ENOSF1: variants seen among roughly 807,000 people sequenced by gnomAD.
The protein encoded by ENOSF1 is mitochondrial enolase superfamily member 1.
In ENOSF1, 73 loss-of-function variants were observed where a neutral mutation model predicts 68.2. The ratio of observed to expected loss-of-function variants is 1.07; its 90% confidence interval spans 0.89 to 1.30. ENOSF1 has a LOEUF of 1.30. ENOSF1 is among the 50% of genes most tolerant of loss of function. The probability of loss-of-function intolerance (pLI) is 0.00; values close to 1 mark genes in which losing one functional copy is unlikely to be tolerated. For missense variants in ENOSF1, 589 were observed against 554.5 expected (o/e 1.06, Z -0.62); for synonymous variants, 223 against 210.4 (o/e 1.06, Z -0.52).
chr18:665,128 G>A, the ENOSF1 span, among the ~76,000 whole-genome samples: 17 of 149,678 alleles, frequency 1.1e-4, no homozygotes, highest in Admixed American at 1.1e-3. Flanking sequence ...GTAGAATTCG[G>A]CTGTGAATCC....
In ENOSF1 at chr18:672,969, C is replaced by G. The variant is rs752774827; in HGVS notation, c.*1336G>C. The stretch of plus-strand genomic sequence containing the variant: ...CAGATTGAAGGGTACAATCCGCATC[C>G]AACTATTAAAATGGAAATGGCTGTT... On this transcript the variant is annotated 3_prime_UTR_variant, in exon 16 of 16. Transcript: ENST00000647584. The G allele has an allele frequency of 2.5e-6, 4 of 1,575,230 alleles. No individual in the cohort carries two copies. The highest frequency in any genetic ancestry group is 2.3e-5 in the South Asian group (2 of 87,106).
chr18:670,601 T>A lies in ENOSF1; in HGVS notation c.*3704A>T. ...TCTCTCCTGGTCTCCACCATATGAG[T>A]TGGCTTCTGTTTCTCTCCTGTTTTA... On this transcript the variant is annotated 3_prime_UTR_variant, in exon 16 of 16. Transcript: ENST00000647584. 7.1e-7 allele frequency: 1 copy of A among 1,402,802 alleles called. No homozygotes were observed. The highest frequency in any genetic ancestry group is 1.4e-5 in the African/African-American group (1 of 70,366). 86.9% of individuals were successfully genotyped at this position (1,402,802 alleles called of 1,614,324 possible).
At position 696,196 on chromosome 18, in the gene ENOSF1, ATC is replaced by A. The variant is rs1225781340; in HGVS notation, c.309+1042_309+1043del. 3.6e-4 allele frequency among the ~76,000 whole-genome samples: 47 copies of A among 130,506 alleles called. No homozygotes were observed. In the Middle Eastern group the frequency reaches 0.019, roughly 52 times the overall value. 85.6% of individuals were successfully genotyped at this position (130,506 alleles called of 152,430 possible). A position where few individuals can be genotyped will look rare whatever the true frequency, so the allele number is the denominator to read the frequency against. ...TTTCTCTTTAATGACCTTCTTTTAC[ATC>A]TCTCTCTTTTTTTTTTTTTTTTTTT... On this transcript the variant is annotated intron_variant, in intron 3 of 15. Coordinates refer to ENST00000647584, the MANE Select transcript of ENOSF1 (RefSeq NM_017512.7).
chr18:682,573 C>G (rs2076177481), intron 11 of ENOSF1, among the ~76,000 whole-genome samples: 1 of 151,980 alleles, frequency 6.6e-6, no homozygotes. Flanking sequence ...AAAAAATTAT[C>G]AGATGAAAAC....
rs1443790890 is a variant in ENOSF1 at position 674,119 on chromosome 18, A to G, written c.*186T>C. The G allele has an allele frequency of 3.7e-6, 2 of 539,470 alleles. No individual in the cohort carries two copies. The highest frequency in any genetic ancestry group is 6.5e-6 in the Non-Finnish European group (2 of 305,890). The allele number at this position is 539,470 out of a possible 1,614,324, so 33.4% of individuals were successfully genotyped here. A position where few individuals can be genotyped will look rare whatever the true frequency, so the allele number is the denominator to read the frequency against. ...TAAACTTATTTAAGGATTAAGTAGG[A>G]TAACGTGCATTGATTTGCTAAAAGA... is the stretch of plus-strand genomic sequence containing the variant. On this transcript the variant is annotated 3_prime_UTR_variant, in exon 16 of 16. Transcript: ENST00000647584.
At chr18:696,204 C>CTTTTTTTTTTTTTTTTTTTT (rs368856668) in intron 3 of ENOSF1, among the ~76,000 whole-genome samples, 7 of 118,692 alleles carry the variant, frequency 5.9e-5, no homozygotes, top group Non-Finnish European at 9.8e-5. Flanking sequence ...ACATCTCTCT[C>CTTTTTTTTTTTTTTTTTTTT]TTTTTTTTTT....
At position 678,732 on chromosome 18, in the gene ENOSF1, C is replaced by T. The variant is rs1568021664; in HGVS notation, c.882G>A (p.Leu294=). 6.2e-7 allele frequency: 1 copy of T among 1,614,194 alleles called. No homozygotes were observed. Among genetic ancestry groups the T allele is most frequent in the Admixed American group, 1.7e-5 (1 of 60,022 alleles). The change falls in exon 12 of 16, where the codon CTG becomes CTA. Residue 294 remains leucine (L), a synonymous_variant. Coordinates refer to ENST00000647584, the MANE Select transcript of ENOSF1 (RefSeq NM_017512.7). Reference sequence around the variant, plus strand: ...TGGCAATGCCAATTCCTAATGGGACCAGTGCCTATAAAATAGAAGGCAGCC... The same window carrying T: ...TGGCAATGCCAATTCCTAATGGGACTAGTGCCTATAAAATAGAAGGCAGCC... The part of the protein sequence containing the change: ...ILGHATISKA[L]VPLGIGIATG...
chr18:675,641 G>C, intron 14 of ENOSF1: 1 of 503,526 alleles, frequency 2.0e-6, no homozygotes, highest in East Asian at 3.2e-5. Flanking sequence ...TCCCTCTAGA[G>C]GTTTTGTGGT....
At chr18:709,950 C>T (rs116521936) in intron 1 of ENOSF1, among the ~76,000 whole-genome samples, 2,730 of 152,234 alleles carry the variant, frequency 0.018, 82 homozygotes, top group African/African-American at 0.062. Flanking sequence ...AATAAGAAGG[C>T]ACTTGAGAGC....
chr18:689,408 G>C lies in ENOSF1; in HGVS notation c.619-800C>G, dbSNP rs1017880945. ...TGATTCTCCTGCCTCAGCCTCCTGA[G>C]TGGCTGGGACTACAGATACGCATTA... On this transcript the variant is annotated intron_variant, in intron 8 of 15. Coordinates refer to ENST00000647584, the MANE Select transcript of ENOSF1 (RefSeq NM_017512.7). 7.9e-5 allele frequency among the ~76,000 whole-genome samples: 12 copies of C among 152,276 alleles called. 1 individual carries two copies. Among genetic ancestry groups the C allele is most frequent in the Admixed American group, 2.0e-4 (3 of 15,298 alleles).
chr18:707,887 T>C (rs1280410526), intron 1 of ENOSF1, among the ~76,000 whole-genome samples: 1 of 152,074 alleles, frequency 6.6e-6, no homozygotes, highest in Non-Finnish European at 1.5e-5. Context: ...TGAGACTGAC[T>C]CTCACTCTGT....
At chr18:690,992 T>TA in intron 7 of ENOSF1, 76 bp downstream of exon 7, 1 of 1,506,712 alleles carries the variant, frequency 6.6e-7, no homozygotes, top group Non-Finnish European at 9.2e-7. Context: ...AGACAATGTG[T>TA]ACCCCAAAAG....
In ENOSF1 at chr18:695,731, T is replaced by C. The variant is rs184597612; in HGVS notation, c.310-1397A>G. The stretch of plus-strand genomic sequence containing the variant: ...AGGTGCTGGGATTATAGGCGTGAGC[T>C]ACTGTGCCCAGCTGATTGTTCATTA... On this transcript the variant is annotated intron_variant, in intron 3 of 15. Coordinates refer to ENST00000647584, the MANE Select transcript of ENOSF1 (RefSeq NM_017512.7). Among the ~76,000 whole-genome samples the C allele has an allele frequency of 2.0e-3, 312 of 152,298 alleles. 1 individual carries two copies. Among genetic ancestry groups the C allele is most frequent in the Non-Finnish European group, 3.6e-3 (246 of 68,034 alleles).
At chr18:700,500 A>T (rs1380088922) in intron 2 of ENOSF1, among the ~76,000 whole-genome samples, 1 of 152,208 alleles carries the variant, frequency 6.6e-6, no homozygotes, top group Non-Finnish European at 1.5e-5. Flanking sequence ...TATGACTCTC[A>T]GAGTGCACAA....
At chr18:669,349 G>A (rs2074934359), downstream of ENOSF1, 1 of 500,196 alleles carries the variant, frequency 2.0e-6, no homozygotes, top group Non-Finnish European at 3.6e-6. Flanking sequence ...TTCAGATCAT[G>A]AGGTTGGGCC....
Position 675,394 on chromosome 18 carries a change from TCACA to T in ENOSF1, c.1153_1156del (p.Cys385SerfsTer14), listed in dbSNP as rs1326691127. On this transcript the variant is annotated frameshift_variant, in exon 15 of 16. Coordinates refer to ENST00000647584, the MANE Select transcript of ENOSF1 (RefSeq NM_017512.7). LOFTEE classifies it high-confidence loss of function. ...ATGCTCATGCAGGTGGTCAACATACTCACACACCCTAGGAGGAGGGAATCAGATC... is the reference window on the plus strand; with the variant it reads ...ATGCTCATGCAGGTGGTCAACATACTCACCCTAGGAGGAGGGAATCAGATC... 6.2e-7 allele frequency: 1 copy of T among 1,612,598 alleles called. No homozygotes were observed. The highest frequency in any genetic ancestry group is 8.5e-7 in the Non-Finnish European group (1 of 1,179,572).
chr18:667,181 ATGGTGATGGAGATGGT>A, downstream of ENOSF1, among the ~76,000 whole-genome samples: 8 of 99,294 alleles, frequency 8.1e-5, no homozygotes, highest in Non-Finnish European at 7.5e-5. Flanking sequence ...GGTGATGGTG[ATGGTGATGGAGATGGT>A]GATGGTGATG....
At position 675,272 on chromosome 18, in the gene ENOSF1, C is replaced by T. The variant is rs8089075; in HGVS notation, c.1230+49G>A. On this transcript the variant is annotated intron_variant, in intron 15 of 15. Transcript: ENST00000647584. ...AGTCTAGTTCACGAGACAGGCGTGGCAGTGGCTGGCAGCATCTCTTCTACA... is the reference window on the plus strand; with the variant it reads ...AGTCTAGTTCACGAGACAGGCGTGGTAGTGGCTGGCAGCATCTCTTCTACA... 12,404 of 1,414,834 alleles carry T rather than the reference C, an allele frequency of 8.8e-3. 824 individuals carry two copies. In the African/African-American group the frequency reaches 0.15, roughly 17 times the overall value. 87.6% of individuals were successfully genotyped at this position (1,414,834 alleles called of 1,614,324 possible).
At chr18:690,812 G>A (rs931493625) in intron 7 of ENOSF1, 181 bp from the exon 8 acceptor site, 4 of 1,458,760 alleles carry the variant, frequency 2.7e-6, no homozygotes, top group African/African-American at 2.9e-5. Context: ...TACTCTCACG[G>A]ACTGCCCTGC....
Sources: allele counts gnomAD v4.1 joint callset (sites outside exome capture counted in the v4.1 genomes callset), GRCh38; gene constraint gnomAD v4.1.1; transcripts MANE v1.5; gene names NCBI Gene and HGNC (gene_info 2026-07-23, HGNC 2026-07-21).